The following MAP1B variants were observed in gnomAD, a reference collection of about 807,000 sequenced individuals.
MAP1B encodes microtubule associated protein 1B.
A neutral mutation model predicts 176.1 loss-of-function variants in MAP1B; 12 were observed. The ratio of observed to expected loss-of-function variants is 0.07; its 90% CI spans 0.04 to 0.11. MAP1B has a LOEUF of 0.11. MAP1B is among the 10% of genes least tolerant of loss of function. MAP1B has a pLI of 1.00. For missense variants in MAP1B, 2,523 were observed against 2,990.5 expected (o/e 0.84, Z 3.65); for synonymous variants, 1,044 against 1,135.0 (o/e 0.92, Z 1.61).
chr5:72,111,490 T>C (rs997057356), intron 1 of MAP1B, among the ~76,000 whole-genome samples: 1 of 152,230 alleles, frequency 6.6e-6, no homozygotes, highest in African/African-American at 2.4e-5. Flanking sequence ...CAGTCTAAGA[T>C]GGTAAGAGAA....
At chr5:72,120,425 CTT>C (rs775411933) in intron 2 of MAP1B, among the ~76,000 whole-genome samples, 51 of 134,316 alleles carry the variant, frequency 3.8e-4, no homozygotes, top group Admixed American at 6.7e-4. Flanking sequence ...TAGTTTCTTT[CTT>C]TTTTTTTTTT....
intron 3 of MAP1B, among the ~76,000 whole-genome samples, chr5:72,184,993 A>G (rs1746861463): frequency 6.6e-6 from 1 of 152,178 alleles, no homozygotes; most frequent in African/African-American, 2.4e-5. Context: ...CCCGATGCCG[A>G]CAACTGCGAA....
intron 5 of MAP1B, among the ~76,000 whole-genome samples, chr5:72,202,244 C>A (rs371925335): frequency 1.3e-5 from 2 of 152,084 alleles, no homozygotes; most frequent in African/African-American, 4.8e-5. Flanking sequence ...GAGTAGAGGG[C>A]GAAATTGGCA....
Position 72,207,045 on chromosome 5 carries a change from T to C in MAP1B, c.*1806T>C, listed in dbSNP as rs904757155. On this transcript the variant is annotated 3_prime_UTR_variant, in exon 7 of 7. Coordinates refer to ENST00000296755, the MANE Select transcript of MAP1B (RefSeq NM_005909.5). ...TTCTGGAAAAAAAAAATAAAAGAAA[T>C]AGTACATTGAAAACAAATGAATTCT... 2 of 152,086 alleles carry C rather than the reference T, an allele frequency of 1.3e-5. No homozygotes were observed. Among genetic ancestry groups the C allele is most frequent in the African/African-American group, 4.8e-5 (2 of 41,406 alleles). 9.4% of individuals were successfully genotyped at this position (152,086 alleles called of 1,614,324 possible).
At chr5:72,174,339 G>A (rs546453155) in intron 2 of MAP1B, among the ~76,000 whole-genome samples, 1 of 152,274 alleles carries the variant, frequency 6.6e-6, no homozygotes, top group East Asian at 1.9e-4. Flanking sequence ...AAACCATAAA[G>A]TCCATCACAA....
At chr5:72,122,816 C>G (rs557725644) in intron 2 of MAP1B, among the ~76,000 whole-genome samples, 1 of 152,182 alleles carries the variant, frequency 6.6e-6, no homozygotes, top group Non-Finnish European at 1.5e-5. Flanking sequence ...TGTCAATAAC[C>G]CCTCCATTAA....
rs958883451 is a variant in MAP1B, at chr5:72,197,263, A to G, written c.3908A>G (p.Gln1303Arg). 3 of 1,614,112 alleles carry G rather than the reference A, an allele frequency of 1.9e-6. No individual in the cohort carries two copies. The African/African-American group carries it at 4.0e-5, about 22-fold the overall frequency. The part of the protein sequence containing the change: ...EVAPVSPEVT[Q>R]EVVEEHCASP... ...GCCCCGGTGTCTCCTGAGGTGACCC[A>G]AGAAGTAGTTGAAGAACATTGTGCT... Residue 1303 changes from glutamine to arginine, a missense_variant, in exon 5 of 7, where the codon CAA becomes CGA. Physicochemically the swap from Gln to Arg is conservative, Grantham distance 43 (BLOSUM62 1). Around this residue, in one of 4 missense-constraint regions of MAP1B, gnomAD observed 1,925 missense variants for 2,126.0 expected, o/e 0.91. Transcript: ENST00000296755.
intron 2 of MAP1B, among the ~76,000 whole-genome samples, chr5:72,144,454 T>G (rs1221415945): frequency 6.6e-6 from 1 of 152,156 alleles, no homozygotes. Flanking sequence ...GGTGCAGGGA[T>G]GCGATCATGG....
Position 72,198,641 on chromosome 5 carries a change from T to C in MAP1B, c.5286T>C (p.Tyr1762=). Residue 1762 remains tyrosine (Y), a synonymous_variant, in exon 5 of 7, where the codon TAT becomes TAC. Transcript: ENST00000296755. ...DVAPPRDMSL[Y]ASLTSEKVQS... The stretch of plus-strand genomic sequence containing the variant: ...CTCCTCCCAGAGATATGTCCTTATA[T>C]GCCTCACTCACCTCTGAAAAAGTGC... The C allele has an allele frequency of 6.2e-7, 1 of 1,614,214 alleles. No individual in the cohort carries two copies. Among genetic ancestry groups the C allele is most frequent in the Non-Finnish European group, 8.5e-7 (1 of 1,180,028 alleles).
At position 72,198,926 on chromosome 5, in the gene MAP1B, G is replaced by C. The variant is rs780884030; in HGVS notation, c.5571G>C (p.Glu1857Asp). 5 of 1,614,242 alleles carry C rather than the reference G, an allele frequency of 3.1e-6. No individual in the cohort carries two copies. The highest frequency in any genetic ancestry group is 3.4e-6 in the Non-Finnish European group (4 of 1,180,044). Residue 1857 changes from glutamate (E) to aspartate (D), a missense_variant, in exon 5 of 7, where the codon GAG (glutamate) becomes GAC (aspartate). Glu to Asp is a conservative substitution (Grantham distance 45, BLOSUM62 2). Around this residue, in one of 4 missense-constraint regions of MAP1B, gnomAD observed 1,925 missense variants for 2,126.0 expected, o/e 0.91. Transcript: ENST00000296755. ...GAGATTTGTCCACACCTGGCCTGGA[G>C]AAGGACAGTGGAGGGAAGACACCTG... ...LNRDLSTPGL[E>D]KDSGGKTPGD... is the part of the protein sequence containing the mutation.
intron 2 of MAP1B, among the ~76,000 whole-genome samples, chr5:72,143,769 C>T (rs1046044927): frequency 1.3e-5 from 2 of 152,168 alleles, no homozygotes; most frequent in African/African-American, 4.8e-5. Context: ...TACCTTTCTC[C>T]TCATTTCTAG....
intron 2 of MAP1B, among the ~76,000 whole-genome samples, chr5:72,181,510 G>A (rs1746764874): frequency 6.6e-6 from 1 of 151,936 alleles, no homozygotes; most frequent in African/African-American, 2.4e-5. Context: ...TGTACAACTT[G>A]GTTTCATTAA....
Position 72,194,784 on chromosome 5 carries a change from C to T in MAP1B, c.1429C>T (p.Pro477Ser). 1 of 1,614,202 alleles carries T rather than the reference C, an allele frequency of 6.2e-7. No homozygotes were observed. The highest frequency in any genetic ancestry group is 8.5e-7 in the Non-Finnish European group (1 of 1,180,040). The change falls in exon 5 of 7, where the codon CCA becomes TCA. Residue 477 changes from proline to serine, a missense_variant. Pro to Ser is a moderately conservative substitution (Grantham distance 74, BLOSUM62 -1). This residue lies in a region of MAP1B where 1,925 missense variants were observed against 2,126.0 expected (regional missense o/e 0.91). Coordinates refer to ENST00000296755, the MANE Select transcript of MAP1B (RefSeq NM_005909.5). This position sits in a 1 kb window ranked among gnomAD's most constrained non-coding sequence, Gnocchi z 7.2. ...AGTCTCATCTTTGATTGTGTGGCAT[C>T]CAGCAAACCCTGCGGAGAAAATCAT... ...TSVSSLIVWH[P>S]ANPAEKIIRV...
At position 72,196,274 on chromosome 5, in the gene MAP1B, G is replaced by A; in HGVS notation, c.2919G>A (p.Glu973=). The change falls in exon 5 of 7, where the codon GAG becomes GAA. Residue 973 remains glutamate, a synonymous_variant. Transcript: ENST00000296755. This position sits in a 1 kb window ranked among gnomAD's most constrained non-coding sequence, Gnocchi z 5.3. ...CVSASKHSPT[E]DEESAKAEAD... ...GCGCCTCCAAGCACAGCCCCACTGAGGATGAGGAAAGTGCCAAGGCGGAGG... is the reference window on the plus strand; with the variant it reads ...GCGCCTCCAAGCACAGCCCCACTGAAGATGAGGAAAGTGCCAAGGCGGAGG... 1.2e-6 allele frequency: 2 copies of A among 1,614,062 alleles called. No individual in the cohort carries two copies. Among genetic ancestry groups the A allele is most frequent in the Admixed American group, 3.3e-5 (2 of 60,020 alleles).
At chr5:72,140,454 G>T (rs557115077) in intron 2 of MAP1B, among the ~76,000 whole-genome samples, 2 of 152,180 alleles carry the variant, frequency 1.3e-5, no homozygotes, top group African/African-American at 4.8e-5. Flanking sequence ...CTACAGTAAA[G>T]TATTGCAGCC....
At chr5:72,118,078 G>A (rs1425429136) in intron 2 of MAP1B, among the ~76,000 whole-genome samples, 2 of 152,226 alleles carry the variant, frequency 1.3e-5, no homozygotes, top group Non-Finnish European at 2.9e-5. Context: ...TTTGAAGTCT[G>A]TTTTTAAGTG....
chr5:72,167,424 G>C (rs752934084), intron 2 of MAP1B, among the ~76,000 whole-genome samples: 1 of 152,158 alleles, frequency 6.6e-6, no homozygotes, highest in South Asian at 2.1e-4. Flanking sequence ...CTCTACTACT[G>C]TTCTGAACAA....
chr5:72,195,767 C>T lies in MAP1B; in HGVS notation c.2412C>T (p.Thr804=), dbSNP rs1054472528. The change falls in exon 5 of 7, where the codon ACC becomes ACT. Residue 804 remains threonine (T), a synonymous_variant. Transcript: ENST00000296755. ...AVAAAVGTGA[T]TAAVMAAAGI... is the part of the protein sequence containing the mutation. The stretch of plus-strand genomic sequence containing the variant: ...CTGCAGCTGTCGGCACTGGAGCCAC[C>T]ACAGCAGCTGTCATGGCGGCAGCTG... The T allele has an allele frequency of 8.1e-6, 13 of 1,614,140 alleles. No homozygotes were observed. The African/African-American group carries it at 1.5e-4, about 18-fold the overall frequency.
rs766337433 is a variant in MAP1B, at chr5:72,197,705, T to C, written c.4350T>C (p.Ser1450=). The C allele has an allele frequency of 6.2e-7, 1 of 1,613,980 alleles. No individual in the cohort carries two copies. Among genetic ancestry groups the C allele is most frequent in the African/African-American group, 1.3e-5 (1 of 74,882 alleles). ...TAAGTCCAGTTTCTGAAATGACTTC[T>C]ACTAGTCTTTACCAAGACAAACAGG... ...DQVSPVSEMT[S]TSLYQDKQEG... Residue 1450 remains serine (S), a synonymous_variant, in exon 5 of 7, where the codon TCT becomes TCC. Coordinates refer to ENST00000296755, the MANE Select transcript of MAP1B (RefSeq NM_005909.5).
Sources: gnomAD v4.1 joint callset for allele counts (sites outside exome capture counted in the v4.1 genomes callset) on GRCh38, gnomAD v4.1.1 for gene constraint, gnomAD v4.1.1 regional missense constraint, Gnocchi (gnomAD v3.1) non-coding constraint, MANE v1.5 for transcripts, NCBI Gene and HGNC (gene_info 2026-07-23, HGNC 2026-07-21) for gene names.